LGR6: variants seen among roughly 807,000 people sequenced by gnomAD.
The protein encoded by LGR6 is leucine-rich repeat-containing G protein-coupled receptor 6.
A neutral mutation model predicts 69.4 loss-of-function variants in LGR6; 45 were observed. The ratio of observed to expected loss-of-function variants is 0.65; its 90% CI spans 0.51 to 0.83. The LOEUF is 0.83. Among genes scored for constraint, LGR6 ranks in the 40% least tolerant of loss-of-function variants. The pLI is 0.00. For missense variants in LGR6, 1,108 were observed against 1,246.7 expected (o/e 0.89, Z 1.68); for synonymous variants, 538 against 555.0 (o/e 0.97, Z 0.43).
At chr1:202,275,287 C>T (rs1665454227) in intron 4 of LGR6, among the ~76,000 whole-genome samples, 1 of 152,144 alleles carries the variant, frequency 6.6e-6, no homozygotes, top group Admixed American at 6.5e-5. Context: ...TGGTACAGGT[C>T]AGTTTGTCTG....
At chr1:202,301,332 C>G in intron 9 of LGR6, 97 bp downstream of exon 9, 2 of 1,028,368 alleles carry the variant, frequency 1.9e-6, no homozygotes, top group African/African-American at 1.6e-5. Flanking sequence ...CTCTCCCTTG[C>G]AAGGCACAAG....
intron 1 of LGR6, among the ~76,000 whole-genome samples, chr1:202,210,154 C>A (rs1436001350): frequency 6.6e-6 from 1 of 152,148 alleles, no homozygotes; most frequent in Non-Finnish European, 1.5e-5. Flanking sequence ...CCTAATCCCT[C>A]AACTCTGGGG....
chr1:202,286,524 A>G (rs944797086), intron 6 of LGR6, among the ~76,000 whole-genome samples: 2 of 152,178 alleles, frequency 1.3e-5, no homozygotes, highest in Non-Finnish European at 2.9e-5. Flanking sequence ...GACTTGCCCA[A>G]GGACACCCAG....
rs1162318543 is a variant in LGR6 at position 202,193,966 on chromosome 1, T to G, written c.-24T>G. On this transcript the variant is annotated 5_prime_UTR_variant, in exon 1 of 18. Coordinates refer to ENST00000367278, the MANE Select transcript of LGR6 (RefSeq NM_001017403.2). Reference sequence around the variant, plus strand: ...CGTGCGTCCGCGCCCGGCCGCCAGGTGCCCCAGTAGCCCGACCGCCGAGAT... The same window carrying G: ...CGTGCGTCCGCGCCCGGCCGCCAGGGGCCCCAGTAGCCCGACCGCCGAGAT... 7.6e-7 allele frequency: 1 copy of G among 1,310,746 alleles called. No homozygotes were observed. The highest frequency in any genetic ancestry group is 1.9e-5 in the South Asian group (1 of 51,692). The allele number at this position is 1,310,746 out of a possible 1,614,324, so 81.2% of individuals were successfully genotyped here. A position where few individuals can be genotyped will look rare whatever the true frequency, so the allele number is the denominator to read the frequency against.
rs577007059 is a variant in LGR6 at position 202,196,351 on chromosome 1, G to A, written c.212+2150G>A. ...CAGAAAGGCACCTGAAGGTGGGGTT[G>A]AGAGCTGGCATGCAGAAGAGCCAGG... On this transcript the variant is annotated intron_variant, in intron 1 of 17. Coordinates refer to ENST00000367278, the MANE Select transcript of LGR6 (RefSeq NM_001017403.2). 2.0e-5 allele frequency among the ~76,000 whole-genome samples: 3 copies of A among 152,322 alleles called. No individual in the cohort carries two copies. In the South Asian group the frequency reaches 6.2e-4, roughly 32 times the overall value.
intron 1 of LGR6, among the ~76,000 whole-genome samples, chr1:202,200,148 T>C (rs1658789900): frequency 6.6e-6 from 1 of 152,194 alleles, no homozygotes; most frequent in Non-Finnish European, 1.5e-5. Context: ...CTTGGGCTCC[T>C]GGGCCGGGAT....
intron 4 of LGR6, among the ~76,000 whole-genome samples, chr1:202,263,134 CT>C (rs905315644): frequency 1.3e-5 from 2 of 151,178 alleles, no homozygotes; most frequent in Non-Finnish European, 3.0e-5. Flanking sequence ...ATCTTTTTTT[CT>C]TTTCTGAGAC....
At chr1:202,219,886 A>T (rs1042316296) in intron 1 of LGR6, among the ~76,000 whole-genome samples, 5 of 151,764 alleles carry the variant, frequency 3.3e-5, no homozygotes, top group Admixed American at 2.0e-4. Context: ...TATTTTATTT[A>T]TTTTTTTTGA....
At chr1:202,231,298 G>C (rs912948061) in intron 3 of LGR6, among the ~76,000 whole-genome samples, 1 of 152,134 alleles carries the variant, frequency 6.6e-6, no homozygotes, top group Non-Finnish European at 1.5e-5. Context: ...CATTAGTGTC[G>C]ATGAACTGAA....
chr1:202,305,594 A>T, intron 11 of LGR6, 90 bp from the exon 12 acceptor site: 2 of 1,105,422 alleles, frequency 1.8e-6, no homozygotes, highest in Non-Finnish European at 2.8e-6. Context: ...ATTGACAGGA[A>T]AGCACAGTCC....
At position 202,215,020 on chromosome 1, in the gene LGR6, T is replaced by TGTGTGC. The variant is rs144255206; in HGVS notation, c.213-10402_213-10401insTGTGCG. Among the ~76,000 whole-genome samples, 956 of 135,908 alleles carry TGTGTGC rather than the reference T, an allele frequency of 7.0e-3. 4 individuals are homozygous for TGTGTGC. The highest frequency in any genetic ancestry group is 0.011 in the African/African-American group (399 of 37,980). 89.2% of individuals were successfully genotyped at this position (135,908 alleles called of 152,430 possible). A position where few individuals can be genotyped will look rare whatever the true frequency, so the allele number is the denominator to read the frequency against. On this transcript the variant is annotated intron_variant, in intron 1 of 17. Transcript: ENST00000367278. ...GTGTGTGTGTGTGTGTGTGTGTGTG[T>TGTGTGC]GCGCGCGCGCGCGTTGGTGAGTTGA...
chr1:202,313,086 G>A lies in LGR6; in HGVS notation c.1568-1716G>A, dbSNP rs150763185. Among the ~76,000 whole-genome samples the A allele has an allele frequency of 3.9e-5, 6 of 152,182 alleles. No homozygotes were observed. In the East Asian group the frequency reaches 9.7e-4, roughly 25 times the overall value. ...TAAAAAAATACAAAAAATTAGCCAG[G>A]CGTGGTGGCGGGCGCCTGTAGTCCC... On this transcript the variant is annotated intron_variant, in intron 16 of 17. Transcript: ENST00000367278.
intron 4 of LGR6, among the ~76,000 whole-genome samples, chr1:202,253,919 C>G (rs1294803749): frequency 2.0e-4 from 30 of 147,100 alleles, no homozygotes; most frequent in African/African-American, 7.5e-4. Context: ...CATTCTCCTG[C>G]CTCAGCCTCC....
At position 202,236,001 on chromosome 1, in the gene LGR6, A is replaced by C; in HGVS notation, c.428+8A>C. On this transcript the variant is annotated splice_region_variant and intron_variant, in intron 4 of 17. Transcript: ENST00000367278. ...GCCGAGCCTGCAGTCGCTGTGAGTC[A>C]TTAGAGGGCTGGTCTGGGAGTCACC... 2 of 1,612,800 alleles carry C rather than the reference A, an allele frequency of 1.2e-6. No individual in the cohort carries two copies. Among genetic ancestry groups the C allele is most frequent in the East Asian group, 2.2e-5 (1 of 44,880 alleles).
At chr1:202,277,773 C>T (rs1032023565) in intron 5 of LGR6, among the ~76,000 whole-genome samples, 1 of 147,354 alleles carries the variant, frequency 6.8e-6, no homozygotes, top group Non-Finnish European at 1.5e-5. Flanking sequence ...TATGCTAACA[C>T]AGCCAGATGA....
intron 4 of LGR6, among the ~76,000 whole-genome samples, chr1:202,253,521 T>G (rs1663454506): frequency 6.6e-6 from 1 of 151,628 alleles, no homozygotes; most frequent in Non-Finnish European, 1.5e-5. Flanking sequence ...GTCAGGCTGG[T>G]CTCGAACTCA....
At chr1:202,317,078 G>A (rs1307745094) in intron 17 of LGR6, among the ~76,000 whole-genome samples, 1 of 152,160 alleles carries the variant, frequency 6.6e-6, no homozygotes, top group African/African-American at 2.4e-5. Context: ...ATAATATTTG[G>A]TCAGGACTCT....
At chr1:202,202,072 C>T (rs2993430) in intron 1 of LGR6, among the ~76,000 whole-genome samples, 82,291 of 151,776 alleles carry the variant, frequency 0.54, 23,708 homozygotes, top group South Asian at 0.84. Context: ...ACCGAGGTGG[C>T]CAGGGAAGGC....
rs1020623791 is a variant in LGR6, at chr1:202,236,218, C to G, written c.428+225C>G. On this transcript the variant is annotated intron_variant, in intron 4 of 17. Coordinates refer to ENST00000367278, the MANE Select transcript of LGR6 (RefSeq NM_001017403.2). ...GCATATTTCAGGAAAAGAGTGCTCC[C>G]ACGCCCCACTGGGGGACTGTGGGAA... is the stretch of plus-strand genomic sequence containing the variant. 8 of 561,258 alleles carry G rather than the reference C, an allele frequency of 1.4e-5. No homozygotes were observed. The Admixed American group carries it at 1.9e-4, about 13-fold the overall frequency. 34.8% of individuals were successfully genotyped at this position (561,258 alleles called of 1,614,324 possible). A position where few individuals can be genotyped will look rare whatever the true frequency, so the allele number is the denominator to read the frequency against.
Sources: allele counts gnomAD v4.1 joint callset (sites outside exome capture counted in the v4.1 genomes callset), GRCh38; gene constraint gnomAD v4.1.1; transcripts MANE v1.5; gene names NCBI Gene and HGNC (gene_info 2026-07-23, HGNC 2026-07-21).